NOSTRIN: variants seen among roughly 807,000 people sequenced by gnomAD.
NOSTRIN encodes BM247 homolog.
A neutral mutation model predicts 59.0 loss-of-function variants in NOSTRIN; 63 were observed. The ratio of observed to expected loss-of-function variants is 1.07; its 90% CI spans 0.87 to 1.32. The LOEUF is 1.32. Among genes scored for constraint, NOSTRIN ranks in the 40% most tolerant of loss-of-function variants. The pLI is 0.00. For synonymous variants in NOSTRIN, 200 were observed against 165.4 expected (o/e 1.21, Z -1.61); for missense variants, 512 against 473.1 (o/e 1.08, Z -0.76).
At chr2:168,793,604 C>T (rs1468341327), upstream of NOSTRIN, among the ~76,000 whole-genome samples, 1 of 152,112 alleles carries the variant, frequency 6.6e-6, no homozygotes, top group East Asian at 1.9e-4. Flanking sequence ...GAGTGAGACC[C>T]TGTCTCAAAA....
At chr2:168,863,041 T>G (rs1689569419) in intron 15 of NOSTRIN, among the ~76,000 whole-genome samples, 2 of 151,856 alleles carry the variant, frequency 1.3e-5, no homozygotes, top group South Asian at 4.2e-4. Context: ...CAGACATACT[T>G]CCCAGATGCC....
intron 7 of NOSTRIN, among the ~76,000 whole-genome samples, chr2:168,839,466 A>G (rs1687932237): frequency 6.6e-6 from 1 of 152,116 alleles, no homozygotes; most frequent in Non-Finnish European, 1.5e-5. Context: ...TTCTATTCCT[A>G]AAGCCTTGCA....
chr2:168,796,794 T>C (rs1465483068), upstream of NOSTRIN, among the ~76,000 whole-genome samples: 1 of 152,098 alleles, frequency 6.6e-6, no homozygotes, highest in Non-Finnish European at 1.5e-5. Flanking sequence ...ATTTTAGAGT[T>C]CCTGCCCAGA....
In NOSTRIN at chr2:168,834,332, T is replaced by C; in HGVS notation, c.504+7T>C. The C allele has an allele frequency of 1.1e-6, 1 of 872,350 alleles. No homozygotes were observed. The highest frequency in any genetic ancestry group is 2.0e-6 in the Non-Finnish European group (1 of 501,334). 54.0% of individuals were successfully genotyped at this position (872,350 alleles called of 1,614,324 possible). A position where few individuals can be genotyped will look rare whatever the true frequency, so the allele number is the denominator to read the frequency against. ...TGAGAAGGAGAAGCGGAAGGTAAGC[T>C]GTCATGGCTGGCTGGGCGCATGTGC... is the stretch of plus-strand genomic sequence containing the variant. On this transcript the variant is annotated splice_region_variant and intron_variant, in intron 7 of 15. Transcript: ENST00000317647.
At chr2:168,791,580 A>G (rs1298590396) in intron 2 of NOSTRIN, among the ~76,000 whole-genome samples, 1 of 152,194 alleles carries the variant, frequency 6.6e-6, no homozygotes, top group African/African-American at 2.4e-5. Flanking sequence ...GTCTTCCACA[A>G]TGGTTGAACT....
intron 11 of NOSTRIN, 145 bp downstream of exon 11, chr2:168,855,605 C>CA (rs58938408): frequency 0.65 from 98,983 of 152,802 alleles, 27,657 homozygotes; most frequent in Admixed American, 0.71. Context: ...GTTGTGTGAA[C>CA]AAAAAAAAAA....
intron 2 of NOSTRIN, among the ~76,000 whole-genome samples, chr2:168,791,308 T>C (rs1311916072): frequency 1.3e-5 from 2 of 152,166 alleles, no homozygotes; most frequent in South Asian, 2.1e-4. Context: ...CATGTCCCTA[T>C]AAAGGACATG....
intron 3 of NOSTRIN, among the ~76,000 whole-genome samples, chr2:168,827,035 T>C (rs780550379): frequency 3.0e-4 from 45 of 152,220 alleles, no homozygotes; most frequent in Non-Finnish European, 4.0e-4. Context: ...AAATCTGGCA[T>C]CTTTTGGTCT....
chr2:168,831,068 T>C (rs1285228152), intron 5 of NOSTRIN, among the ~76,000 whole-genome samples: 1 of 152,210 alleles, frequency 6.6e-6, no homozygotes, highest in Non-Finnish European at 1.5e-5. Context: ...CTGTCTTAGT[T>C]CAGGCTGCTC....
At chr2:168,829,022 T>C (rs1005500040) in intron 5 of NOSTRIN, among the ~76,000 whole-genome samples, 1 of 152,170 alleles carries the variant, frequency 6.6e-6, no homozygotes, top group Non-Finnish European at 1.5e-5. Context: ...TTTTTTGCAT[T>C]TTTAAAATAA....
chr2:168,843,524 AAAGT>A (rs1046971119), intron 8 of NOSTRIN, among the ~76,000 whole-genome samples: 1 of 152,254 alleles, frequency 6.6e-6, no homozygotes, highest in African/African-American at 2.4e-5. Context: ...AGCATTGAAT[AAAGT>A]AACATCTCAA....
At chr2:168,803,947 T>C (rs1216063661) in intron 1 of NOSTRIN, among the ~76,000 whole-genome samples, 3 of 152,140 alleles carry the variant, frequency 2.0e-5, no homozygotes, top group Non-Finnish European at 2.9e-5. Flanking sequence ...AATGTTTTTG[T>C]ATAGGGGCGG....
At chr2:168,803,517 A>G (rs1281161585) in intron 1 of NOSTRIN, among the ~76,000 whole-genome samples, 1 of 152,162 alleles carries the variant, frequency 6.6e-6, no homozygotes, top group East Asian at 1.9e-4. Context: ...AGTCATAAAG[A>G]AAAAGATCAG....
intron 1 of NOSTRIN, among the ~76,000 whole-genome samples, chr2:168,809,196 C>A (rs940209366): frequency 1.3e-5 from 2 of 152,192 alleles, no homozygotes; most frequent in Non-Finnish European, 2.9e-5. Context: ...TTCTTCACAG[C>A]CATCAGGGAC....
upstream of NOSTRIN, among the ~76,000 whole-genome samples, chr2:168,800,910 T>TAAAAAAA (rs71997437): frequency 3.6e-5 from 5 of 137,944 alleles, no homozygotes; most frequent in East Asian, 2.2e-4. Flanking sequence ...AAATTTCTTT[T>TAAAAAAA]AAAAAAAAAA....
intron 2 of NOSTRIN, chr2:168,788,153 A>G (rs1311864882): frequency 6.6e-6 from 1 of 151,932 alleles, no homozygotes; most frequent in Non-Finnish European, 1.5e-5. Context: ...GGCAGGAGAA[A>G]TGCTTGAGCC....
At chr2:168,852,599 T>C (rs538343773) in intron 10 of NOSTRIN, among the ~76,000 whole-genome samples, 1 of 152,290 alleles carries the variant, frequency 6.6e-6, no homozygotes, top group South Asian at 2.1e-4. Flanking sequence ...TTCTCCGATA[T>C]GGAGAACAAG....
rs1685731883 is a variant in NOSTRIN at position 168,804,206 on chromosome 2, A to C, written c.27+1533A>C. ...AAATGTTTTCTTTCAGCAGCCCCCA[A>C]GGCAACCCATAACCACACTTCTGTG... On this transcript the variant is annotated intron_variant, in intron 1 of 15. Transcript: ENST00000317647. Among the ~76,000 whole-genome samples, 4 of 152,310 alleles carry C rather than the reference A, an allele frequency of 2.6e-5. No individual in the cohort carries two copies. The South Asian group carries it at 8.3e-4, about 32-fold the overall frequency.
chr2:168,797,792 A>G (rs1049260770), upstream of NOSTRIN, among the ~76,000 whole-genome samples: 5 of 152,134 alleles, frequency 3.3e-5, no homozygotes, highest in African/African-American at 1.2e-4. Context: ...AGCTTGGGCA[A>G]CATGGTGAGA....
Sources: gnomAD v4.1 joint callset for allele counts (sites outside exome capture counted in the v4.1 genomes callset) on GRCh38, gnomAD v4.1.1 for gene constraint, MANE v1.5 for transcripts, NCBI Gene and HGNC (gene_info 2026-07-23, HGNC 2026-07-21) for gene names.